SLC17A7: variants seen among roughly 807,000 people sequenced by gnomAD.
The protein encoded by SLC17A7 is vesicular glutamate transporter 1.
Under a neutral mutation model 59.1 loss-of-function variants are expected in SLC17A7, and 15 were observed. The observed-to-expected ratio is 0.25, with a 90% CI of 0.17 to 0.39. The LOEUF is 0.39. SLC17A7 is among the 10% of genes least tolerant of loss of function. The pLI is 1.00. For synonymous variants in SLC17A7, 353 were observed against 308.9 expected (o/e 1.14, Z -1.50); for missense variants, 499 against 765.1 (o/e 0.65, Z 4.10).
intron 1 of SLC17A7, among the ~76,000 whole-genome samples, chr19:49,438,777 G>A (rs1600989901): frequency 1.3e-5 from 2 of 152,076 alleles, no homozygotes; most frequent in Non-Finnish European, 2.9e-5. Flanking sequence ...GGTTGACATC[G>A]GATGATATTT....
rs140172646 is a variant in SLC17A7, at chr19:49,436,598, G to A, written c.266C>T (p.Ser89Phe). The A allele has an allele frequency of 6.2e-7, 1 of 1,613,882 alleles. No individual in the cohort carries two copies. Among genetic ancestry groups the A allele is most frequent in the African/African-American group, 1.3e-5 (1 of 74,906 alleles). The change falls in exon 2 of 12, where the codon TCC becomes TTC. Residue 89 changes from serine (S) to phenylalanine (F), a missense_variant. Ser to Phe is a radical substitution (Grantham distance 155). Around this residue, in one of 3 missense-constraint regions of SLC17A7, gnomAD observed 323 missense variants for 607.2 expected, o/e 0.53. Coordinates refer to ENST00000221485, the MANE Select transcript of SLC17A7 (RefSeq NM_020309.4). The surrounding 1 kb of genome is among the most constrained non-coding windows in gnomAD (Gnocchi z 4.1). ...GTGGGTCGTGCTGTTATTGACCATG[G>A]AGACGATGGCCACGCCCAGGTTGCA... ...IRCNLGVAIV[S>F]MVNNSTTHRG...
chr19:49,433,814 G>C lies in SLC17A7; in HGVS notation c.779C>G (p.Pro260Arg). ...CTCCGAGATGCTGGGGTGCAGCGCG[G>C]GGGACTCGTAGGAGACGAGCAGCCA... ...LFWLLVSYES[P>R]ALHPSISEEE... Residue 260 changes from proline to arginine, a missense_variant, in exon 7 of 12, where the codon CCC (proline) becomes CGC (arginine). Coordinates refer to ENST00000221485, the MANE Select transcript of SLC17A7 (RefSeq NM_020309.4). This position sits in a 1 kb window ranked among gnomAD's most constrained non-coding sequence, Gnocchi z 5.7. 1 of 1,613,784 alleles carries C rather than the reference G, an allele frequency of 6.2e-7. No homozygotes were observed. The highest frequency in any genetic ancestry group is 8.5e-7 in the Non-Finnish European group (1 of 1,179,826).
intron 5 of SLC17A7, among the ~76,000 whole-genome samples, chr19:49,434,326 GC>G (rs2078972378): frequency 1.4e-5 from 2 of 143,194 alleles, no homozygotes; most frequent in African/African-American, 5.3e-5. Context: ...AGGAGTGCAG[GC>G]CCCCAGCTCC....
Position 49,434,053 on chromosome 19 carries a change from G to A in SLC17A7, c.638-7C>T, listed in dbSNP as rs200629513. The A allele has an allele frequency of 3.8e-4, 609 of 1,596,366 alleles. 2 individuals are homozygous for A. The African/African-American group carries it at 6.4e-3, about 17-fold the overall frequency. ...ACCGCCCCAGCATAGGAACCTAAGG[G>A]GGAGGATGCGGGGGAGAGAACAGGC... On this transcript the variant is annotated splice_polypyrimidine_tract_variant and splice_region_variant and intron_variant, in intron 5 of 11. Coordinates refer to ENST00000221485, the MANE Select transcript of SLC17A7 (RefSeq NM_020309.4).
Position 49,432,954 on chromosome 19 carries a change from T to C in SLC17A7, c.874A>G (p.Ser292Gly). Residue 292 changes from serine (S) to glycine (G), a missense_variant, in exon 8 of 12, where the codon AGC becomes GGC. Ser to Gly is a moderately conservative substitution (Grantham distance 56). Coordinates refer to ENST00000221485, the MANE Select transcript of SLC17A7 (RefSeq NM_020309.4). ...AKLMNPLTKF[S>G]TPWRRFFTSM... is the part of the protein sequence containing the mutation. ...GTGAAGAAGCGCCGCCAGGGAGTGCTAAACTTCTGTGGGGGCGAGGGGAGG... is the reference window on the plus strand; with the variant it reads ...GTGAAGAAGCGCCGCCAGGGAGTGCCAAACTTCTGTGGGGGCGAGGGGAGG... 6.2e-7 allele frequency: 1 copy of C among 1,606,934 alleles called. No homozygotes were observed. Among genetic ancestry groups the C allele is most frequent in the Non-Finnish European group, 8.5e-7 (1 of 1,177,048 alleles).
chr19:49,436,608 C>T lies in SLC17A7; in HGVS notation c.256G>A (p.Ala86Thr). 6.2e-7 allele frequency: 1 copy of T among 1,614,014 alleles called. No homozygotes were observed. Among genetic ancestry groups the T allele is most frequent in the Non-Finnish European group, 8.5e-7 (1 of 1,179,984 alleles). ...SFGIRCNLGV[A>T]IVSMVNNSTT... ...CTGTTATTGACCATGGAGACGATGG[C>T]CACGCCCAGGTTGCAGCGGATGCCA... is the stretch of plus-strand genomic sequence containing the variant. Residue 86 changes from alanine (A) to threonine (T), a missense_variant, in exon 2 of 12, where the codon GCC becomes ACC. Ala to Thr is a moderately conservative substitution (Grantham distance 58). Around this residue, in one of 3 missense-constraint regions of SLC17A7, gnomAD observed 323 missense variants for 607.2 expected, o/e 0.53. Transcript: ENST00000221485. The surrounding 1 kb of genome is among the most constrained non-coding windows in gnomAD (Gnocchi z 4.1).
rs2078964866 is a variant in SLC17A7, at chr19:49,432,576, G to A, written c.1093C>T (p.Leu365=). The A allele has an allele frequency of 1.2e-6, 2 of 1,611,098 alleles. No homozygotes were observed. Among genetic ancestry groups the A allele is most frequent in the Non-Finnish European group, 1.7e-6 (2 of 1,179,286 alleles). ...GTGGACATGATGCGGCGGCTCCGCA[G>A]GAAGTCCGCGATCTGGCCGCCGATG... ...VPIGGQIADF[L]RSRRIMSTTN... The change falls in exon 9 of 12, where the codon CTG becomes TTG. Residue 365 remains leucine (L), a synonymous_variant. Transcript: ENST00000221485.
chr19:49,429,568 C>G lies in SLC17A7; in HGVS notation c.*951G>C, dbSNP rs2122288492. The G allele has an allele frequency of 2.5e-6, 1 of 399,020 alleles. No individual in the cohort carries two copies. The highest frequency in any genetic ancestry group is 3.6e-5 in the East Asian group (1 of 28,080). 24.7% of individuals were successfully genotyped at this position (399,020 alleles called of 1,614,324 possible). A position where few individuals can be genotyped will look rare whatever the true frequency, so the allele number is the denominator to read the frequency against. On this transcript the variant is annotated 3_prime_UTR_variant, in exon 12 of 12. Coordinates refer to ENST00000221485, the MANE Select transcript of SLC17A7 (RefSeq NM_020309.4). ...CTCTATAGGTTCCCCAAATTCTAAG[C>G]TGAAAGAGGGGTGTCTGAGAGGGGA...
intron 9 of SLC17A7, 53 bp downstream of exon 9, chr19:49,432,466 G>A: frequency 1.3e-6 from 2 of 1,579,192 alleles, no homozygotes; most frequent in Non-Finnish European, 1.7e-6. Flanking sequence ...TCTCAATCCG[G>A]CTCTGCTCCA....
Position 49,430,550 on chromosome 19 carries a change from G to A in SLC17A7, c.1652C>T (p.Pro551Leu). ...GTCCCGGACAGGGGGTGGGGGCCTGGGGGGCTGAAATGTGCTGTGTGTGGC... is the reference window on the plus strand; with the variant it reads ...GTCCCGGACAGGGGGTGGGGGCCTGAGGGGCTGAAATGTGCTGTGTGTGGC... ...YGATHSTFQPPRPPPPVRDY is the reference protein window; with the variant it reads ...YGATHSTFQPLRPPPPVRDY The change falls in exon 12 of 12, where the codon CCC becomes CTC. Residue 551 changes from proline to leucine, a missense_variant. By Grantham distance (98) the Pro-to-Leu change is moderately conservative. Around this residue, in one of 3 missense-constraint regions of SLC17A7, gnomAD observed 98 missense variants for 77.5 expected, o/e 1.27. Coordinates refer to ENST00000221485, the MANE Select transcript of SLC17A7 (RefSeq NM_020309.4). 6.3e-7 allele frequency: 1 copy of A among 1,596,968 alleles called. No homozygotes were observed. The highest frequency in any genetic ancestry group is 8.5e-7 in the Non-Finnish European group (1 of 1,170,536).
In SLC17A7 at chr19:49,431,345, G is replaced by A. The variant is rs1299679228; in HGVS notation, c.1254C>T (p.Ala418=). 1 of 1,614,094 alleles carries A rather than the reference G, an allele frequency of 6.2e-7. No individual in the cohort carries two copies. Among genetic ancestry groups the A allele is most frequent in the Non-Finnish European group, 8.5e-7 (1 of 1,179,952 alleles). ...CGGATCCGCGGTTCTCACCAGAGAT[G>A]GCGAAGCCGCTGAAGCCCACGGCTA... is the stretch of plus-strand genomic sequence containing the variant. ...LVLAVGFSGF[A]ISGFNVNHLD... The change falls in exon 10 of 12, where the codon GCC becomes GCT. Residue 418 remains alanine, a synonymous_variant. Coordinates refer to ENST00000221485, the MANE Select transcript of SLC17A7 (RefSeq NM_020309.4). This position sits in a 1 kb window ranked among gnomAD's most constrained non-coding sequence, Gnocchi z 4.6.
chr19:49,434,426 G>A (rs2078972820), intron 5 of SLC17A7, among the ~76,000 whole-genome samples, 176 bp downstream of exon 5: 1 of 148,784 alleles, frequency 6.7e-6, no homozygotes, highest in Non-Finnish European at 1.5e-5. Context: ...CTCAGACCCA[G>A]GAGTCCAGCC....
Position 49,430,462 on chromosome 19 carries a change from G to T in SLC17A7, c.*57C>A. 3 of 1,281,298 alleles carry T rather than the reference G, an allele frequency of 2.3e-6. No homozygotes were observed. The highest frequency in any genetic ancestry group is 3.3e-6 in the Non-Finnish European group (3 of 918,588). The allele number at this position is 1,281,298 out of a possible 1,614,324, so 79.4% of individuals were successfully genotyped here. On this transcript the variant is annotated 3_prime_UTR_variant, in exon 12 of 12. Coordinates refer to ENST00000221485, the MANE Select transcript of SLC17A7 (RefSeq NM_020309.4). ...AGGGTTCCTTGACACTGTCACTCAG[G>T]CCAGAGATGAGTGGAATGGAGGTCC...
Position 49,431,314 on chromosome 19 carries a change from A to G in SLC17A7, c.1261+24T>C, listed in dbSNP as rs2078958551. 2 of 1,611,744 alleles carry G rather than the reference A, an allele frequency of 1.2e-6. No individual in the cohort carries two copies. The highest frequency in any genetic ancestry group is 4.5e-5 in the East Asian group (2 of 44,858). On this transcript the variant is annotated intron_variant, in intron 10 of 11. Transcript: ENST00000221485. This position sits in a 1 kb window ranked among gnomAD's most constrained non-coding sequence, Gnocchi z 4.6. ...CCTACAGAGCTGACCAGAGTCCCCC[A>G]AGCTGCGGATCCGCGGTTCTCACCA...
At chr19:49,432,983 G>A in intron 7 of SLC17A7, 23 bp from the exon 8 acceptor site, 2 of 1,597,066 alleles carry the variant, frequency 1.3e-6, no homozygotes, top group South Asian at 1.1e-5. Flanking sequence ...GGGGAGGGCC[G>A]CTAAGACGGG....
chr19:49,440,453 C>T (rs768652742), intron 1 of SLC17A7, among the ~76,000 whole-genome samples: 7 of 152,150 alleles, frequency 4.6e-5, no homozygotes, highest in Non-Finnish European at 1.0e-4. Context: ...TCCAGATTAT[C>T]CTGAGGGACA....
In SLC17A7 at chr19:49,434,528, C is replaced by T. The variant is rs2946849; in HGVS notation, c.637+74G>A. The T allele has an allele frequency of 9.6e-3, 13,349 of 1,387,878 alleles. 1,002 individuals are homozygous for T. The African/African-American group carries it at 0.17, about 17-fold the overall frequency. The allele number at this position is 1,387,878 out of a possible 1,614,324, so 86.0% of individuals were successfully genotyped here. On this transcript the variant is annotated intron_variant, in intron 5 of 11. Transcript: ENST00000221485. ...GAGTTCAGCCCCCCCAGCCCCTCCC[C>T]GCTCAGACCCAACAGTCCAGGCCCC...
At chr19:49,434,394 C>A (rs2078972650) in intron 5 of SLC17A7, among the ~76,000 whole-genome samples, 1 of 149,794 alleles carries the variant, frequency 6.7e-6, no homozygotes, top group South Asian at 2.2e-4. Context: ...ACCCAAGAGT[C>A]CAGGCCCCCA....
rs1309463297 is a variant in SLC17A7, at chr19:49,431,811, T to A, written c.1151-363A>T. Among the ~76,000 whole-genome samples, 2 of 151,896 alleles carry A rather than the reference T, an allele frequency of 1.3e-5. No homozygotes were observed. Among genetic ancestry groups the A allele is most frequent in the African/African-American group, 4.8e-5 (2 of 41,382 alleles). ...TTTTTTTTTTTAATTTTTGATTTTT[T>A]ATTTTTTTTAAGAGACAAAGTCTCA... is the stretch of plus-strand genomic sequence containing the variant. On this transcript the variant is annotated intron_variant, in intron 9 of 11. Transcript: ENST00000221485. The surrounding 1 kb of genome is among the most constrained non-coding windows in gnomAD (Gnocchi z 4.6).
Sources: gnomAD v4.1 joint callset for allele counts (sites outside exome capture counted in the v4.1 genomes callset) on GRCh38, gnomAD v4.1.1 for gene constraint, gnomAD v4.1.1 regional missense constraint, Gnocchi (gnomAD v3.1) non-coding constraint, MANE v1.5 for transcripts, NCBI Gene and HGNC (gene_info 2026-07-23, HGNC 2026-07-21) for gene names.